INPP4B: variants seen among roughly 807,000 people sequenced by gnomAD.
INPP4B encodes inositol polyphosphate 4-phosphatase type II.
INPP4B carries 55 observed loss-of-function variants against 122.5 expected under a neutral mutation model. That is an observed-to-expected ratio of 0.45 (90% CI 0.36 to 0.56). The LOEUF (loss-of-function observed/expected upper bound fraction) is 0.56. Ranked by LOEUF, INPP4B falls within the 20% of genes least tolerant of loss-of-function variation. INPP4B has a pLI of 0.00. For missense variants in INPP4B, 1,000 were observed against 1,097.7 expected, an observed-to-expected ratio of 0.91 and a Z score of 1.26; for synonymous variants, 403 against 388.7, an observed-to-expected ratio of 1.04 and a Z score of -0.43.
At chr4:142,836,710 AG>A (rs1261516887) in intron 1 of INPP4B, among the ~76,000 whole-genome samples, 4 of 149,146 alleles carry the variant, frequency 2.7e-5, no homozygotes, top group Non-Finnish European at 4.4e-5. Flanking sequence ...TAAATGAAAA[AG>A]TACTGTCTAC....
chr4:142,090,336 G>T, intron 23 of INPP4B, among the ~76,000 whole-genome samples: 1 of 150,620 alleles, frequency 6.6e-6, no homozygotes. Flanking sequence ...TATTTCTATA[G>T]TGACAAAACT....
intron 9 of INPP4B, among the ~76,000 whole-genome samples, chr4:142,298,300 G>A (rs745804173): frequency 2.0e-5 from 3 of 152,050 alleles, no homozygotes; most frequent in African/African-American, 4.8e-5. Context: ...GTCTGAAAAC[G>A]GGAGGAAAAA....
rs902845197 is a variant in INPP4B, at chr4:142,747,876, G to T, written c.-253-21975C>A. Reference sequence around the variant, plus strand: ...CACATACCAGGGCCTGTCAAGGGGTGGGGGAGCTGGGGAAGGGATACCATT... The same window carrying T: ...CACATACCAGGGCCTGTCAAGGGGTTGGGGAGCTGGGGAAGGGATACCATT... On this transcript the variant is annotated intron_variant, in intron 1 of 25. Transcript: ENST00000262992. Among the ~76,000 whole-genome samples, 19 of 77,136 alleles carry T rather than the reference G, an allele frequency of 2.5e-4. 1 individual carries two copies. Among genetic ancestry groups the T allele is most frequent in the African/African-American group, 4.1e-4 (9 of 21,752 alleles). The allele number at this position is 77,136 out of a possible 152,430, so 50.6% of individuals were successfully genotyped here.
intron 7 of INPP4B, among the ~76,000 whole-genome samples, chr4:142,339,523 C>CT: frequency 6.6e-6 from 1 of 152,094 alleles, no homozygotes; most frequent in Non-Finnish European, 1.5e-5. Context: ...AGGATAGGTT[C>CT]TTTTTACCAG....
rs1242302830 is a variant in INPP4B at position 142,362,699 on chromosome 4, G to T, written c.372+40239C>A. Among the ~76,000 whole-genome samples the T allele has an allele frequency of 2.0e-5, 3 of 152,100 alleles. No homozygotes were observed. The East Asian group carries it at 5.8e-4, about 30-fold the overall frequency. On this transcript the variant is annotated intron_variant, in intron 7 of 25. Transcript: ENST00000262992. ...TGTCCTCTGCAGCAACATGGATGCA[G>T]TTGGAGGCCATTATCCCAAGAGAAT... is the stretch of plus-strand genomic sequence containing the variant.
At chr4:142,634,649 T>A (rs1001053662) in intron 2 of INPP4B, among the ~76,000 whole-genome samples, 43 of 152,256 alleles carry the variant, frequency 2.8e-4, no homozygotes, top group African/African-American at 1.0e-3. Context: ...GATTAAAATT[T>A]CTTAGAAGCT....
At chr4:142,452,757 A>G (rs1391099) in intron 3 of INPP4B, among the ~76,000 whole-genome samples, 50,619 of 152,066 alleles carry the variant, frequency 0.33, 10,961 homozygotes, top group African/African-American at 0.59. Context: ...AAACTTTCAC[A>G]GGATGTTCTC....
intron 1 of INPP4B, among the ~76,000 whole-genome samples, chr4:142,750,124 A>G (rs1474706256): frequency 6.6e-6 from 1 of 152,078 alleles, no homozygotes; most frequent in Non-Finnish European, 1.5e-5. Context: ...GACACAAGAT[A>G]GATTAAGTAC....
chr4:142,238,568 C>T (rs1289035297), intron 11 of INPP4B, among the ~76,000 whole-genome samples: 1 of 152,024 alleles, frequency 6.6e-6, no homozygotes, highest in Admixed American at 6.6e-5. Flanking sequence ...GAAAGGTTCA[C>T]TCTTTTGTCT....
intron 16 of INPP4B, among the ~76,000 whole-genome samples, chr4:142,160,905 G>T (rs1055341000): frequency 5.9e-5 from 9 of 151,952 alleles, no homozygotes; most frequent in African/African-American, 2.2e-4. Context: ...ACCTGCTGCA[G>T]CTTTCAAGTC....
intron 2 of INPP4B, among the ~76,000 whole-genome samples, chr4:142,716,992 G>A (rs1763857806): frequency 6.6e-6 from 1 of 152,078 alleles, no homozygotes; most frequent in African/African-American, 2.4e-5. Flanking sequence ...CAGGATAAAT[G>A]GTTACTATGA....
In INPP4B at chr4:142,208,484, T is replaced by C; in HGVS notation, c.1013A>G (p.Glu338Gly). The change falls in exon 14 of 26, where the codon GAA becomes GGA. Residue 338 changes from glutamate (E) to glycine (G), a missense_variant. Coordinates refer to ENST00000262992, the MANE Select transcript of INPP4B (RefSeq NM_001101669.3). ...CAGATGTAGATTTATTGGAACAAATTCTAATGTTTTCTCTCCTTTGCTGCT... is the reference window on the plus strand; with the variant it reads ...CAGATGTAGATTTATTGGAACAAATCCTAATGTTTTCTCTCCTTTGCTGCT... ...SSSSKGEKTL[E>G]FVPINLHLQR... 6.2e-7 allele frequency: 1 copy of C among 1,602,526 alleles called. No homozygotes were observed. Among genetic ancestry groups the C allele is most frequent in the Non-Finnish European group, 8.5e-7 (1 of 1,174,158 alleles).
intron 25 of INPP4B, among the ~76,000 whole-genome samples, chr4:142,068,923 C>T (rs894614615): frequency 6.6e-6 from 1 of 152,106 alleles, no homozygotes. Context: ...GACAGATCAA[C>T]AAGACAGAAA....
chr4:142,089,413 CAG>C (rs1255251927), intron 23 of INPP4B, among the ~76,000 whole-genome samples: 1 of 150,384 alleles, frequency 6.6e-6, no homozygotes, highest in Non-Finnish European at 1.5e-5. Flanking sequence ...AATTTGCTAA[CAG>C]AGTAGATTGT....
At chr4:142,742,836 T>C (rs745793426) in intron 1 of INPP4B, among the ~76,000 whole-genome samples, 3 of 151,914 alleles carry the variant, frequency 2.0e-5, no homozygotes, top group Non-Finnish European at 4.4e-5. Flanking sequence ...AACAAAACAA[T>C]GTAGAGCTAA....
intron 11 of INPP4B, among the ~76,000 whole-genome samples, chr4:142,257,837 A>C (rs1021262207): frequency 3.9e-5 from 6 of 152,000 alleles, no homozygotes; most frequent in African/African-American, 1.2e-4. Flanking sequence ...TTCTTCACAG[A>C]ATTGGAAAAA....
intron 15 of INPP4B, among the ~76,000 whole-genome samples, chr4:142,183,693 T>C (rs1831877470): frequency 6.6e-6 from 1 of 152,234 alleles, no homozygotes; most frequent in Non-Finnish European, 1.5e-5. Context: ...TTGGATTCAG[T>C]GAATACTTCT....
rs554783621 is a variant in INPP4B, at chr4:142,486,953, C to T, written c.-190-24227G>A. ...CTACTGACTGATTTGTCTATACTTA[C>T]GTGGTATGGTTTGGCTCTGTGTCCC... is the stretch of plus-strand genomic sequence containing the variant. On this transcript the variant is annotated intron_variant, in intron 2 of 25. Coordinates refer to ENST00000262992, the MANE Select transcript of INPP4B (RefSeq NM_001101669.3). Among the ~76,000 whole-genome samples the T allele has an allele frequency of 4.6e-4, 70 of 152,218 alleles. 1 individual carries two copies. In the South Asian group the frequency reaches 0.013, roughly 29 times the overall value.
At chr4:142,731,794 A>G (rs1432006174) in intron 1 of INPP4B, among the ~76,000 whole-genome samples, 1 of 152,182 alleles carries the variant, frequency 6.6e-6, no homozygotes, top group Admixed American at 6.5e-5. Flanking sequence ...AACATCATCC[A>G]ACATCTAACA....
Sources: allele counts gnomAD v4.1 joint callset (sites outside exome capture counted in the v4.1 genomes callset), GRCh38; gene constraint gnomAD v4.1.1; transcripts MANE v1.5; gene names NCBI Gene and HGNC (gene_info 2026-07-23, HGNC 2026-07-21).